RBFOX1: variants seen among roughly 807,000 people sequenced by gnomAD.
RBFOX1 encodes RNA binding fox-1 homolog 1.
In RBFOX1, 8 loss-of-function variants were observed where a neutral mutation model predicts 57.7. The ratio of observed to expected loss-of-function variants is 0.14; its 90% CI spans 0.08 to 0.25. The LOEUF is 0.25. Among genes scored for constraint, RBFOX1 ranks in the 10% least tolerant of loss-of-function variants. The probability of loss-of-function intolerance (pLI) is 1.00; values close to 1 mark genes in which losing one functional copy is unlikely to be tolerated. For synonymous variants in RBFOX1, 326 were observed against 222.4 expected, an observed-to-expected ratio of 1.47 and a Z score of -4.15; for missense variants, 611 against 548.5, an observed-to-expected ratio of 1.11 and a Z score of -1.14.
chr16:6,615,909 C>G (rs1180595146), intron 2 of RBFOX1, among the ~76,000 whole-genome samples: 3 of 152,172 alleles, frequency 2.0e-5, no homozygotes, highest in Admixed American at 2.0e-4. Context: ...CTCCCCATCC[C>G]TCATAACCTC....
At chr16:7,398,934 A>C (rs1597435639) in intron 4 of RBFOX1, among the ~76,000 whole-genome samples, 1 of 152,196 alleles carries the variant, frequency 6.6e-6, no homozygotes, top group African/African-American at 2.4e-5. Flanking sequence ...GCTTTATAAC[A>C]ATAGAAATTT....
chr16:5,649,650 CTTCT>C (rs1422013974), intron 3 of RBFOX1, among the ~76,000 whole-genome samples: 1 of 152,170 alleles, frequency 6.6e-6, no homozygotes, highest in Non-Finnish European at 1.5e-5. Flanking sequence ...TTATTTTTAT[CTTCT>C]TTGTCTGTTT....
At chr16:7,230,136 G>T (rs918941887) in intron 4 of RBFOX1, among the ~76,000 whole-genome samples, 16 of 149,466 alleles carry the variant, frequency 1.1e-4, no homozygotes, top group Non-Finnish European at 1.3e-4. Context: ...GGGAAGGAAG[G>T]CCTCCTCATC....
intron 1 of RBFOX1, among the ~76,000 whole-genome samples, chr16:5,325,893 G>C (rs1334595953): frequency 6.6e-6 from 1 of 152,174 alleles, no homozygotes; most frequent in African/African-American, 2.4e-5. Context: ...ACACATTCAT[G>C]AACAGGTTTT....
At chr16:6,716,053 C>G (rs560692273) in intron 3 of RBFOX1, among the ~76,000 whole-genome samples, 20 of 152,260 alleles carry the variant, frequency 1.3e-4, no homozygotes, top group Non-Finnish European at 2.5e-4. Context: ...TGAGCTCACA[C>G]TGCTCAGTTG....
At chr16:6,537,019 G>A (rs761349309) in intron 2 of RBFOX1, among the ~76,000 whole-genome samples, 1 of 152,154 alleles carries the variant, frequency 6.6e-6, no homozygotes, top group Non-Finnish European at 1.5e-5. Flanking sequence ...CAAATGTACA[G>A]TCCTACGTAC....
chr16:7,129,987 C>G (rs2069784153), intron 4 of RBFOX1, among the ~76,000 whole-genome samples: 1 of 151,742 alleles, frequency 6.6e-6, no homozygotes, highest in South Asian at 2.1e-4. Flanking sequence ...ATATACTCCT[C>G]TACTTCCATC....
chr16:6,976,556 A>C (rs2086902209), intron 3 of RBFOX1, among the ~76,000 whole-genome samples: 1 of 152,026 alleles, frequency 6.6e-6, no homozygotes, highest in African/African-American at 2.4e-5. Context: ...CAAGTTTATT[A>C]GGAAAGGCAA....
At chr16:5,358,957 C>T (rs1314727213) in intron 1 of RBFOX1, among the ~76,000 whole-genome samples, 1 of 152,224 alleles carries the variant, frequency 6.6e-6, no homozygotes, top group Non-Finnish European at 1.5e-5. Flanking sequence ...TCTCCCTCCA[C>T]CCTCCATTAC....
intron 1 of RBFOX1, among the ~76,000 whole-genome samples, chr16:5,442,527 G>A (rs997502559): frequency 5.9e-5 from 9 of 152,208 alleles, no homozygotes; most frequent in Admixed American, 6.5e-5. Flanking sequence ...TGATAATGTC[G>A]TAAAGTGGCA....
At chr16:6,374,881 C>G (rs913612857) in intron 2 of RBFOX1, among the ~76,000 whole-genome samples, 42 of 152,238 alleles carry the variant, frequency 2.8e-4, no homozygotes, top group African/African-American at 9.6e-4. Context: ...GATTTCTTAG[C>G]CTGTCAAGAT....
At chr16:6,383,952 AAG>A (rs1272728920) in intron 2 of RBFOX1, among the ~76,000 whole-genome samples, 1 of 152,098 alleles carries the variant, frequency 6.6e-6, no homozygotes, top group Non-Finnish European at 1.5e-5. Context: ...GGGGAAAAAA[AAG>A]AGAACAATTT....
intron 2 of RBFOX1, among the ~76,000 whole-genome samples, chr16:5,580,742 A>G (rs145195606): frequency 1.5e-4 from 23 of 152,314 alleles, no homozygotes; most frequent in African/African-American, 5.5e-4. Context: ...GGGGACTCCT[A>G]CACTTAGGTT....
chr16:6,902,533 C>G (rs1444287519), intron 3 of RBFOX1, among the ~76,000 whole-genome samples: 1 of 152,200 alleles, frequency 6.6e-6, no homozygotes, highest in South Asian at 2.1e-4. Context: ...ACCAGCCTAA[C>G]CAACATGGTA....
At chr16:7,147,875 C>T (rs532624571) in intron 4 of RBFOX1, among the ~76,000 whole-genome samples, 1 of 152,124 alleles carries the variant, frequency 6.6e-6, no homozygotes, top group African/African-American at 2.4e-5. Flanking sequence ...TCTGTTTAAG[C>T]CCTTTGAGAA....
chr16:6,342,654 A>G (rs2084742031), intron 2 of RBFOX1, among the ~76,000 whole-genome samples: 2 of 152,160 alleles, frequency 1.3e-5, no homozygotes, highest in South Asian at 2.1e-4. Context: ...CAGAATGCAC[A>G]TTCCTGTCCA....
At chr16:5,682,465 C>T (rs17138369) in intron 3 of RBFOX1, among the ~76,000 whole-genome samples, 27,220 of 152,154 alleles carry the variant, frequency 0.18, 3,466 homozygotes, top group East Asian at 0.57. Context: ...ATTTGACAAT[C>T]GGTCCGTCTA....
chr16:7,499,819 A>G (rs966872967), intron 4 of RBFOX1, among the ~76,000 whole-genome samples: 7 of 152,096 alleles, frequency 4.6e-5, no homozygotes, highest in African/African-American at 1.4e-4. Context: ...AGTTGTTGAG[A>G]CAATTAACTA....
chr16:7,143,732 C>G (rs1269253900), intron 4 of RBFOX1, among the ~76,000 whole-genome samples: 3 of 152,008 alleles, frequency 2.0e-5, no homozygotes, highest in Non-Finnish European at 2.9e-5. Flanking sequence ...TACATTCATC[C>G]ATGGGTTTAT....
Sources: gnomAD v4.1 joint callset for allele counts (sites outside exome capture counted in the v4.1 genomes callset) on GRCh38, gnomAD v4.1.1 for gene constraint, MANE v1.5 for transcripts, NCBI Gene and HGNC (gene_info 2026-07-23, HGNC 2026-07-21) for gene names.